The following NCKAP1 variants were observed in gnomAD, a reference collection of about 807,000 sequenced individuals.
The protein encoded by NCKAP1 is nck-associated protein 1.
In NCKAP1, 21 loss-of-function variants were observed where a neutral mutation model predicts 151.2. The ratio of observed to expected loss-of-function variants is 0.14; its 90% CI spans 0.10 to 0.20. The LOEUF is 0.20. NCKAP1 is among the 10% of genes least tolerant of loss of function. The pLI is 1.00. For synonymous variants in NCKAP1, 484 were observed against 451.8 expected (o/e 1.07, Z -0.90); for missense variants, 933 against 1,352.1 (o/e 0.69, Z 4.86).
intron 13 of NCKAP1, among the ~76,000 whole-genome samples, chr2:182,980,485 CAT>C (rs1697914898): frequency 1.3e-5 from 2 of 151,832 alleles, no homozygotes; most frequent in Admixed American, 6.6e-5. Context: ...TCATTTGAAA[CAT>C]GTAATTCTAT....
chr2:182,991,034 C>G (rs1247991623), intron 8 of NCKAP1, among the ~76,000 whole-genome samples: 1 of 152,122 alleles, frequency 6.6e-6, no homozygotes, highest in African/African-American at 2.4e-5. Flanking sequence ...AAAACATTAT[C>G]CTCTTATGTA....
rs1461820498 is a variant in NCKAP1, at chr2:182,910,709, AG to A, written c.*14992del. ...GGAAAGGGGTCCTCAGCACCCTCAT[AG>A]GTCATGCATCCTCAAAACCTTTTCT... On this transcript the variant is annotated 3_prime_UTR_variant, in exon 31 of 31. Transcript: ENST00000361354. 1 of 152,136 alleles carries A rather than the reference AG, an allele frequency of 6.6e-6. No homozygotes were observed. Among genetic ancestry groups the A allele is most frequent in the African/African-American group, 2.4e-5 (1 of 41,430 alleles). 9.4% of individuals were successfully genotyped at this position (152,136 alleles called of 1,614,324 possible). A position where few individuals can be genotyped will look rare whatever the true frequency, so the allele number is the denominator to read the frequency against.
chr2:182,925,480 T>C lies in NCKAP1; in HGVS notation c.*222A>G, dbSNP rs1188198304. The C allele has an allele frequency of 3.4e-6, 1 of 295,412 alleles. No individual in the cohort carries two copies. Among genetic ancestry groups the C allele is most frequent in the Admixed American group, 5.1e-5 (1 of 19,562 alleles). The allele number at this position is 295,412 out of a possible 1,614,324, so 18.3% of individuals were successfully genotyped here. A position where few individuals can be genotyped will look rare whatever the true frequency, so the allele number is the denominator to read the frequency against. On this transcript the variant is annotated 3_prime_UTR_variant, in exon 31 of 31. Transcript: ENST00000361354. Reference sequence around the variant, plus strand: ...TTTCAAATAAATGATACTTTAAAATTATAGGAATAATCTCAGTGAATTCAG... The same window carrying C: ...TTTCAAATAAATGATACTTTAAAATCATAGGAATAATCTCAGTGAATTCAG...
intron 1 of NCKAP1, among the ~76,000 whole-genome samples, chr2:183,032,775 G>A (rs745489698): frequency 2.0e-5 from 3 of 152,200 alleles, no homozygotes; most frequent in Non-Finnish European, 2.9e-5. Context: ...AGCCAGGTGC[G>A]GTAGCTTACA....
chr2:183,023,100 A>C (rs1232997835), intron 2 of NCKAP1: 1 of 152,150 alleles, frequency 6.6e-6, no homozygotes, highest in Non-Finnish European at 1.5e-5. Context: ...ATCAGAGAAA[A>C]AAATAAAAAG....
chr2:182,998,827 A>G (rs554106415), intron 6 of NCKAP1, among the ~76,000 whole-genome samples: 1 of 113,542 alleles, frequency 8.8e-6, no homozygotes, highest in African/African-American at 3.4e-5. Flanking sequence ...ACAGAGTAAG[A>G]CTCCAACAAA....
Position 182,956,488 on chromosome 2 carries a change from A to C in NCKAP1, c.2127T>G (p.Thr709=). The change falls in exon 20 of 31, where the codon ACT becomes ACG. Residue 709 remains threonine (T), a synonymous_variant. Coordinates refer to ENST00000361354, the MANE Select transcript of NCKAP1 (RefSeq NM_013436.5). ...EHTFTPREYL[T]SHLEIRFTKS... ...TGGTAAAGCGTATTTCCAGATGAGA[A>C]GTCAAATATTCTCGTGGGGTAAAGG... The C allele has an allele frequency of 6.2e-7, 1 of 1,611,616 alleles. No homozygotes were observed. Among genetic ancestry groups the C allele is most frequent in the Non-Finnish European group, 8.5e-7 (1 of 1,179,022 alleles).
At chr2:183,030,098 A>G (rs1698977770) in intron 1 of NCKAP1, among the ~76,000 whole-genome samples, 1 of 152,198 alleles carries the variant, frequency 6.6e-6, no homozygotes, top group Non-Finnish European at 1.5e-5. Flanking sequence ...CCTCCCAAAA[A>G]TAATGTTTAA....
chr2:182,926,990 A>C, intron 29 of NCKAP1, 85 bp from the exon 30 acceptor site: 1 of 869,220 alleles, frequency 1.2e-6, no homozygotes, highest in Non-Finnish European at 1.8e-6. Flanking sequence ...AACTTCCAAC[A>C]CATTTCAATC....
At chr2:183,030,642 C>G (rs1007483828) in intron 1 of NCKAP1, among the ~76,000 whole-genome samples, 2 of 152,104 alleles carry the variant, frequency 1.3e-5, no homozygotes, top group Non-Finnish European at 2.9e-5. Context: ...AAACACCACA[C>G]GTTTTGCAAA....
At chr2:182,960,706 A>G (rs1244612085) in intron 18 of NCKAP1, among the ~76,000 whole-genome samples, 4 of 152,244 alleles carry the variant, frequency 2.6e-5, no homozygotes, top group East Asian at 1.9e-4. Context: ...CAAAAGCAAT[A>G]GCAACAAAAG....
At chr2:182,983,020 G>GA in intron 11 of NCKAP1, 93 bp from the exon 12 acceptor site, 1 of 930,890 alleles carries the variant, frequency 1.1e-6, no homozygotes, top group South Asian at 1.8e-5. Flanking sequence ...GGCAAGAAGT[G>GA]ATAATATCAA....
Position 183,038,075 on chromosome 2 carries a change from T to C in NCKAP1, c.25A>G (p.Ser9Gly). Residue 9 changes from serine to glycine, a missense_variant, in exon 1 of 31, where the codon AGT becomes GGT. Physicochemically the swap from Ser to Gly is moderately conservative, Grantham distance 56 (BLOSUM62 0). Coordinates refer to ENST00000361354, the MANE Select transcript of NCKAP1 (RefSeq NM_013436.5). Reference sequence around the variant, plus strand: ...AGCTTCTCCGCCAGCTTCTGCTGACTGGGCTGCAGCACTGAGCGCGACATG... The same window carrying C: ...AGCTTCTCCGCCAGCTTCTGCTGACCGGGCTGCAGCACTGAGCGCGACATG... Reference protein sequence around the residue: MSRSVLQPSQQKLAEKLTI... With the variant: MSRSVLQPGQQKLAEKLTI... 6.3e-7 allele frequency: 1 copy of C among 1,587,114 alleles called. No individual in the cohort carries two copies. Among genetic ancestry groups the C allele is most frequent in the South Asian group, 1.1e-5 (1 of 89,462 alleles).
chr2:182,932,549 CA>C (rs140283391), intron 26 of NCKAP1, among the ~76,000 whole-genome samples: 163 of 152,188 alleles, frequency 1.1e-3, no homozygotes, highest in African/African-American at 3.7e-3. Context: ...GATGGTTGAA[CA>C]ACTCTGTCAC....
In NCKAP1 at chr2:183,003,840, T is replaced by G. The variant is rs183854263; in HGVS notation, c.220-515A>C. Reference sequence around the variant, plus strand: ...ACCAGATCCAGAAAACACAATAATATATTAAACAAAAGCAAAAACCACAAC... The same window carrying G: ...ACCAGATCCAGAAAACACAATAATAGATTAAACAAAAGCAAAAACCACAAC... On this transcript the variant is annotated intron_variant, in intron 2 of 30. Coordinates refer to ENST00000361354, the MANE Select transcript of NCKAP1 (RefSeq NM_013436.5). Among the ~76,000 whole-genome samples, 53 of 151,498 alleles carry G rather than the reference T, an allele frequency of 3.5e-4. 2 individuals carry two copies. Among genetic ancestry groups the G allele is most frequent in the Admixed American group, 3.4e-3 (52 of 15,202 alleles).
intron 2 of NCKAP1, among the ~76,000 whole-genome samples, chr2:183,003,707 T>C (rs963236131): frequency 4.6e-5 from 7 of 151,990 alleles, no homozygotes; most frequent in Non-Finnish European, 8.8e-5. Context: ...AAAAAAACAA[T>C]ATGCTATATA....
intron 2 of NCKAP1, among the ~76,000 whole-genome samples, chr2:183,004,608 A>G (rs890335088): frequency 7.2e-5 from 11 of 151,936 alleles, no homozygotes; most frequent in Admixed American, 6.6e-4. Context: ...TATCTAGAAA[A>G]TATTCACACT....
At chr2:183,029,725 T>A (rs1193190166) in intron 1 of NCKAP1, among the ~76,000 whole-genome samples, 1 of 144,802 alleles carries the variant, frequency 6.9e-6, no homozygotes, top group Non-Finnish European at 1.5e-5. Flanking sequence ...GAGGCTAAGA[T>A]GGAAGGACTG....
chr2:182,950,225 A>G (rs1697186737), intron 23 of NCKAP1, among the ~76,000 whole-genome samples: 2 of 152,234 alleles, frequency 1.3e-5, no homozygotes, highest in Non-Finnish European at 1.5e-5. Context: ...ATATAAATGA[A>G]TTCAGAGAGA....
Sources: gnomAD v4.1 joint callset for allele counts (sites outside exome capture counted in the v4.1 genomes callset) on GRCh38, gnomAD v4.1.1 for gene constraint, MANE v1.5 for transcripts, NCBI Gene and HGNC (gene_info 2026-07-23, HGNC 2026-07-21) for gene names.